ACSL3: variants seen among roughly 807,000 people sequenced by gnomAD.
The protein encoded by ACSL3 is acyl-CoA synthetase long chain family member 3.
Under a neutral mutation model 84.7 loss-of-function variants are expected in ACSL3, and 34 were observed. The ratio of observed to expected loss-of-function variants is 0.40; its 90% CI spans 0.31 to 0.53. The LOEUF is 0.53. ACSL3 is among the 20% of genes least tolerant of loss of function. ACSL3 has a pLI of 0.48. For synonymous variants in ACSL3, 315 were observed against 299.4 expected (o/e 1.05, Z -0.54); for missense variants, 680 against 873.1 (o/e 0.78, Z 2.79).
rs1315657507 is a variant in ACSL3, at chr2:222,943,704, C to G, written c.*2050C>G. Reference sequence around the variant, plus strand: ...AGAAAGTGAAATTAAGTAGAGTCCCCTTTTAAACAAATTTGTCTGTAAGCA... The same window carrying G: ...AGAAAGTGAAATTAAGTAGAGTCCCGTTTTAAACAAATTTGTCTGTAAGCA... On this transcript the variant is annotated 3_prime_UTR_variant, in exon 17 of 17. Coordinates refer to ENST00000357430, the MANE Select transcript of ACSL3 (RefSeq NM_004457.5). The G allele has an allele frequency of 6.6e-6, 1 of 152,078 alleles. No individual in the cohort carries two copies. Among genetic ancestry groups the G allele is most frequent in the Non-Finnish European group, 1.5e-5 (1 of 67,950 alleles). The allele number at this position is 152,078 out of a possible 1,614,324, so 9.4% of individuals were successfully genotyped here.
intron 16 of ACSL3, among the ~76,000 whole-genome samples, chr2:222,940,877 T>C (rs897667987): frequency 3.3e-5 from 5 of 152,100 alleles, no homozygotes; most frequent in Admixed American, 6.6e-5. Flanking sequence ...TTGGATACCC[T>C]ATTAGATACC....
intron 4 of ACSL3, among the ~76,000 whole-genome samples, chr2:222,915,903 TAGAG>T (rs1297505048): frequency 1.3e-5 from 2 of 152,228 alleles, no homozygotes; most frequent in Non-Finnish European, 2.9e-5. Flanking sequence ...AATTCCTAAA[TAGAG>T]AGAAATTAAA....
At chr2:222,917,979 C>A in intron 5 of ACSL3, 67 bp from the exon 6 acceptor site, 1 of 1,156,176 alleles carries the variant, frequency 8.6e-7, no homozygotes, top group Non-Finnish European at 1.3e-6. Flanking sequence ...TTCATCTCCA[C>A]ATTCAGAGAC....
chr2:222,870,103 GT>G (rs60071249), intron 1 of ACSL3, among the ~76,000 whole-genome samples: 31,513 of 140,270 alleles, frequency 0.22, 3,536 homozygotes, highest in African/African-American at 0.3. Context: ...TGGACTTCTG[GT>G]TTTTTTTTTT....
At chr2:222,884,444 A>C (rs1032443163) in intron 1 of ACSL3, among the ~76,000 whole-genome samples, 4 of 152,216 alleles carry the variant, frequency 2.6e-5, no homozygotes. Context: ...AATCAGTGTT[A>C]CTGGGTTGAA....
At chr2:222,905,567 T>C (rs1051552071) in intron 3 of ACSL3, among the ~76,000 whole-genome samples, 8 of 152,264 alleles carry the variant, frequency 5.3e-5, no homozygotes, top group African/African-American at 1.9e-4. Flanking sequence ...GTTTATTCTT[T>C]GCAACTCTGA....
At chr2:222,872,245 C>G (rs1199468565) in intron 1 of ACSL3, among the ~76,000 whole-genome samples, 3 of 152,142 alleles carry the variant, frequency 2.0e-5, no homozygotes, top group African/African-American at 7.2e-5. Flanking sequence ...CTGCCTCAGC[C>G]TCTCGAGTAG....
intron 16 of ACSL3, among the ~76,000 whole-genome samples, chr2:222,936,151 T>C (rs556189183): frequency 6.6e-6 from 1 of 152,332 alleles, no homozygotes; most frequent in East Asian, 1.9e-4. Context: ...TATCCATTCA[T>C]CTGTGTTTGG....
At chr2:222,878,640 C>A (rs1198369212) in intron 1 of ACSL3, among the ~76,000 whole-genome samples, 1 of 152,190 alleles carries the variant, frequency 6.6e-6, no homozygotes, top group Non-Finnish European at 1.5e-5. Context: ...TCTGCATCTT[C>A]AGCTGTTTGG....
chr2:222,864,686 T>C (rs1695095147), intron 1 of ACSL3, among the ~76,000 whole-genome samples: 1 of 152,170 alleles, frequency 6.6e-6, no homozygotes, highest in Admixed American at 6.5e-5. Flanking sequence ...TAGGTTTGAT[T>C]TCAGCATGTT....
rs1201276762 is a variant in ACSL3, at chr2:222,942,665, G to C, written c.*1011G>C. 2 of 207,398 alleles carry C rather than the reference G, an allele frequency of 9.6e-6. No individual in the cohort carries two copies. The highest frequency in any genetic ancestry group is 4.6e-5 in the African/African-American group (2 of 43,948). 12.8% of individuals were successfully genotyped at this position (207,398 alleles called of 1,614,324 possible). ...CATTTTAAAATTAGTGTTTTTCCTA[G>C]TTTGCACTGATGCGTGTATGGATGT... On this transcript the variant is annotated 3_prime_UTR_variant, in exon 17 of 17. Transcript: ENST00000357430.
chr2:222,902,899 C>T (rs1204599260), intron 3 of ACSL3, among the ~76,000 whole-genome samples: 4 of 152,322 alleles, frequency 2.6e-5, no homozygotes, highest in African/African-American at 9.6e-5. Flanking sequence ...GGGTTTCAAC[C>T]TGGACCAGCA....
At position 222,901,224 on chromosome 2, in the gene ACSL3, T is replaced by C. The variant is rs112360519; in HGVS notation, c.-41+444T>C. On this transcript the variant is annotated intron_variant, in intron 3 of 16. Coordinates refer to ENST00000357430, the MANE Select transcript of ACSL3 (RefSeq NM_004457.5). Reference sequence around the variant, plus strand: ...TAATACTTACCTTTAGGTTATATGATCAATTTGAGTTAACTTTTTGTATGG... The same window carrying C: ...TAATACTTACCTTTAGGTTATATGACCAATTTGAGTTAACTTTTTGTATGG... Among the ~76,000 whole-genome samples, 461 of 152,370 alleles carry C rather than the reference T, an allele frequency of 3.0e-3. 2 individuals carry two copies. The highest frequency in any genetic ancestry group is 0.011 in the African/African-American group (439 of 41,586).
At position 222,894,952 on chromosome 2, in the gene ACSL3, T is replaced by TG. The variant is rs1246068992; in HGVS notation, c.-147-5722_-147-5721insG. On this transcript the variant is annotated intron_variant, in intron 2 of 16. Transcript: ENST00000357430. ...TGTCTCCCAGGTGTGTGTGTGTGTCTTTCCAAGTTTTATCTTCAGACTATG... is the reference window on the plus strand; with the variant it reads ...TGTCTCCCAGGTGTGTGTGTGTGTCTGTTCCAAGTTTTATCTTCAGACTATG... Among the ~76,000 whole-genome samples, 492 of 122,712 alleles carry TG rather than the reference T, an allele frequency of 4.0e-3. 2 individuals are homozygous for TG. The highest frequency in any genetic ancestry group is 0.013 in the African/African-American group (440 of 33,194). The allele number at this position is 122,712 out of a possible 152,430, so 80.5% of individuals were successfully genotyped here. A position where few individuals can be genotyped will look rare whatever the true frequency, so the allele number is the denominator to read the frequency against.
chr2:222,891,925 A>T (rs1695853173), intron 2 of ACSL3, among the ~76,000 whole-genome samples: 1 of 152,210 alleles, frequency 6.6e-6, no homozygotes, highest in African/African-American at 2.4e-5. Flanking sequence ...CTTTTTATCT[A>T]ATCCAGATAG....
At position 222,930,706 on chromosome 2, in the gene ACSL3, T is replaced by C. The variant is rs1274149918; in HGVS notation, c.1626T>C (p.Asn542=). 3 of 1,614,042 alleles carry C rather than the reference T, an allele frequency of 1.9e-6. No individual in the cohort carries two copies. The East Asian group carries it at 6.7e-5, about 36-fold the overall frequency. The change falls in exon 14 of 17, where the codon AAT becomes AAC. Residue 542 remains asparagine (N), a synonymous_variant. Transcript: ENST00000357430. ...GQSVTMGYYK[N]EAKTKADFFE... The stretch of plus-strand genomic sequence containing the variant: ...GTGTGACAATGGGGTACTACAAAAA[T>C]GAAGCAAAAACAAAAGCTGATTTCT...
intron 15 of ACSL3, among the ~76,000 whole-genome samples, chr2:222,933,875 C>T (rs1407606337): frequency 6.6e-6 from 1 of 152,054 alleles, no homozygotes; most frequent in Non-Finnish European, 1.5e-5. Flanking sequence ...GGGGTACAGC[C>T]CAAGTTAGAA....
At chr2:222,885,630 A>G (rs1319874381) in intron 1 of ACSL3, among the ~76,000 whole-genome samples, 1 of 152,210 alleles carries the variant, frequency 6.6e-6, no homozygotes, top group Non-Finnish European at 1.5e-5. Context: ...TATTAATAAC[A>G]AGAAGATTTC....
intron 2 of ACSL3, among the ~76,000 whole-genome samples, chr2:222,898,769 G>T (rs1696059171): frequency 6.6e-6 from 1 of 152,202 alleles, no homozygotes; most frequent in Admixed American, 6.5e-5. Flanking sequence ...GGAGCTTGCA[G>T]TGAGCCGAGA....
Sources: gnomAD v4.1 joint callset for allele counts (sites outside exome capture counted in the v4.1 genomes callset) on GRCh38, gnomAD v4.1.1 for gene constraint, MANE v1.5 for transcripts, NCBI Gene and HGNC (gene_info 2026-07-23, HGNC 2026-07-21) for gene names.